The following CHN2 variants were observed in gnomAD, a reference collection of about 807,000 sequenced individuals.
The protein encoded by CHN2 is chimerin 2.
In CHN2, 35 loss-of-function variants were observed where a neutral mutation model predicts 56.3. The observed-to-expected ratio is 0.62, with a 90% CI of 0.47 to 0.82. CHN2 has a LOEUF of 0.82. CHN2 is among the 40% of genes least tolerant of loss of function. CHN2 has a pLI of 0.00. For missense variants in CHN2, 491 were observed against 580.5 expected (o/e 0.85, Z 1.58); for synonymous variants, 210 against 212.8 (o/e 0.99, Z 0.12).
At chr7:29,303,603 A>G (rs1047870732) in intron 1 of CHN2, among the ~76,000 whole-genome samples, 1 of 152,014 alleles carries the variant, frequency 6.6e-6, no homozygotes, top group Admixed American at 6.6e-5. Flanking sequence ...CCCTTCCACC[A>G]CCTCCATCCA....
rs1001574544 is a variant in CHN2 at position 29,319,750 on chromosome 7, C to T, written c.50-34875C>T. ...CCATGGGTGCCTGAGGCTGTCTGTT[C>T]ACAATATTGCAGTGTTGGGATTTTC... is the stretch of plus-strand genomic sequence containing the variant. On this transcript the variant is annotated intron_variant, in intron 1 of 12. Transcript: ENST00000222792. Among the ~76,000 whole-genome samples, 11 of 152,108 alleles carry T rather than the reference C, an allele frequency of 7.2e-5. 1 individual carries two copies. Among genetic ancestry groups the T allele is most frequent in the Admixed American group, 2.0e-4 (3 of 15,264 alleles).
chr7:29,260,973 C>A (rs1172012857), intron 1 of CHN2, among the ~76,000 whole-genome samples: 1 of 152,014 alleles, frequency 6.6e-6, no homozygotes, highest in Non-Finnish European at 1.5e-5. Context: ...ATACTTTGAC[C>A]CTTTTGATGG....
chr7:29,354,656 A>C lies in CHN2; in HGVS notation c.81A>C (p.Lys27Asn), dbSNP rs1266497868. The change falls in exon 2 of 13, where the codon AAA becomes AAC. Residue 27 changes from lysine (K) to asparagine (N), a missense_variant. Lys to Asn is a moderately conservative substitution (Grantham distance 94). Coordinates refer to ENST00000222792, the MANE Select transcript of CHN2 (RefSeq NM_004067.4). ...DAEEYQPPIWKSYLYQLQQEA... is the reference protein window; with the variant it reads ...DAEEYQPPIWNSYLYQLQQEA... ...AAGAATACCAGCCTCCTATATGGAA[A>C]TCATACTGTGAGTACCTGAAATGAA... 1 of 1,612,502 alleles carries C rather than the reference A, an allele frequency of 6.2e-7. No homozygotes were observed. Among genetic ancestry groups the C allele is most frequent in the Non-Finnish European group, 8.5e-7 (1 of 1,179,550 alleles).
At chr7:29,505,983 A>G (rs897337709) in intron 10 of CHN2, among the ~76,000 whole-genome samples, 4 of 152,222 alleles carry the variant, frequency 2.6e-5, no homozygotes, top group African/African-American at 9.6e-5. Flanking sequence ...TTTCATCTTC[A>G]GAACCAAATT....
chr7:29,256,085 G>A (rs10255863), intron 1 of CHN2, among the ~76,000 whole-genome samples: 11 of 151,944 alleles, frequency 7.2e-5, no homozygotes, highest in Non-Finnish European at 1.5e-4. Context: ...CTTTCTTTTC[G>A]TTCATTTCAT....
At chr7:29,358,892 C>G (rs1331509415) in intron 2 of CHN2, among the ~76,000 whole-genome samples, 1 of 152,182 alleles carries the variant, frequency 6.6e-6, no homozygotes, top group Non-Finnish European at 1.5e-5. Flanking sequence ...ATGACTGTTC[C>G]AGCAACTCAA....
chr7:29,184,082 G>A (rs1465282685), intron 2 of CHN2, among the ~76,000 whole-genome samples: 5 of 151,840 alleles, frequency 3.3e-5, no homozygotes, highest in Admixed American at 6.6e-5. Flanking sequence ...TGATATCTGA[G>A]TGGGGGTTCT....
intron 1 of CHN2, among the ~76,000 whole-genome samples, chr7:29,345,975 CTA>C (rs1797403635): frequency 6.6e-6 from 1 of 152,130 alleles, no homozygotes; most frequent in Non-Finnish European, 1.5e-5. Flanking sequence ...AAAATCCGTG[CTA>C]TGAGTTTCAT....
At chr7:29,430,866 C>T (rs541827820) in intron 6 of CHN2, among the ~76,000 whole-genome samples, 7 of 151,966 alleles carry the variant, frequency 4.6e-5, no homozygotes, top group Non-Finnish European at 7.4e-5. Context: ...CTCTCCCCAG[C>T]GGACTTTCCC....
At chr7:29,276,844 G>A (rs1025891773) in intron 1 of CHN2, among the ~76,000 whole-genome samples, 2 of 152,176 alleles carry the variant, frequency 1.3e-5, no homozygotes, top group East Asian at 3.9e-4. Context: ...ATGGTGCTAA[G>A]CCTCTCTTCC....
upstream of CHN2, chr7:29,193,423 CTT>C (rs1783153030): frequency 1.3e-5 from 2 of 152,126 alleles, no homozygotes; most frequent in African/African-American, 4.8e-5. Flanking sequence ...TGACTATGTT[CTT>C]TTAACCATGT....
chr7:29,384,599 A>G (rs1800781608), intron 3 of CHN2, among the ~76,000 whole-genome samples: 1 of 152,216 alleles, frequency 6.6e-6, no homozygotes, highest in Admixed American at 6.5e-5. Context: ...AAAGGGCTCA[A>G]TGCACGAGTC....
At chr7:29,181,472 T>G (rs1419293752) in intron 2 of CHN2, 1 of 152,048 alleles carries the variant, frequency 6.6e-6, no homozygotes, top group Non-Finnish European at 1.5e-5. Flanking sequence ...TGTCCAAGAG[T>G]AATTCAGAAA....
intron 1 of CHN2, among the ~76,000 whole-genome samples, chr7:29,240,970 C>T (rs896473912): frequency 2.0e-5 from 3 of 152,132 alleles, no homozygotes; most frequent in African/African-American, 4.8e-5. Flanking sequence ...ACTGCAACCT[C>T]CACCTGCCAG....
chr7:29,319,166 C>T (rs1202786979), intron 1 of CHN2, among the ~76,000 whole-genome samples: 1 of 152,200 alleles, frequency 6.6e-6, no homozygotes, highest in Non-Finnish European at 1.5e-5. Flanking sequence ...AAGCCATTGT[C>T]TACCATAAAC....
intron 7 of CHN2, among the ~76,000 whole-genome samples, chr7:29,485,904 C>A (rs1787924616): frequency 6.6e-6 from 1 of 152,080 alleles, no homozygotes; most frequent in Non-Finnish European, 1.5e-5. Flanking sequence ...TCTCTCCCAC[C>A]CCCATGCACT....
rs1269048690 is a variant in CHN2, at chr7:29,507,112, T to A, written c.992-116T>A. On this transcript the variant is annotated intron_variant, in intron 10 of 12. Coordinates refer to ENST00000222792, the MANE Select transcript of CHN2 (RefSeq NM_004067.4). ...TCAGTGTTACTAGAAGCCAAAAGAGTTAGCTGAGACTTGTCAGGGAGCATT... is the reference window on the plus strand; with the variant it reads ...TCAGTGTTACTAGAAGCCAAAAGAGATAGCTGAGACTTGTCAGGGAGCATT... The A allele has an allele frequency of 7.5e-6, 7 of 927,282 alleles. No individual in the cohort carries two copies. In the Admixed American group the frequency reaches 1.4e-4, roughly 19 times the overall value. The allele number at this position is 927,282 out of a possible 1,614,324, so 57.4% of individuals were successfully genotyped here. A position where few individuals can be genotyped will look rare whatever the true frequency, so the allele number is the denominator to read the frequency against.
chr7:29,440,639 C>G (rs1231611918), intron 6 of CHN2, among the ~76,000 whole-genome samples: 1 of 130,424 alleles, frequency 7.7e-6, no homozygotes, highest in Non-Finnish European at 1.6e-5. Flanking sequence ...GAGCTGAGAT[C>G]ATGCCACTAC....
chr7:29,486,326 G>A (rs928334726), intron 7 of CHN2, among the ~76,000 whole-genome samples: 1 of 152,196 alleles, frequency 6.6e-6, no homozygotes, highest in Non-Finnish European at 1.5e-5. Flanking sequence ...TCCCTGCCCT[G>A]CAGTTTGCCC....
Sources: gnomAD v4.1 joint callset for allele counts (sites outside exome capture counted in the v4.1 genomes callset) on GRCh38, gnomAD v4.1.1 for gene constraint, MANE v1.5 for transcripts, NCBI Gene and HGNC (gene_info 2026-07-23, HGNC 2026-07-21) for gene names.